Variants in PRH1 observed in about 807,000 individuals in gnomAD.
PRH1 encodes the protein proline rich protein HaeIII subfamily 1.
A neutral mutation model predicts 7.9 loss-of-function variants in PRH1; 7 were observed. The observed-to-expected ratio is 0.89, with a 90% CI of 0.50 to 1.67. The LOEUF (loss-of-function observed/expected upper bound fraction) is 1.67, where lower values mean the gene tolerates loss of function less well. PRH1 is among the 40% of genes most tolerant of loss of function. PRH1 has a pLI of 0.00. For synonymous variants in PRH1, 45 were observed against 80.8 expected, an observed-to-expected ratio of 0.56 and a Z score of 2.38; for missense variants, 109 against 223.6, an observed-to-expected ratio of 0.49 and a Z score of 3.27.
chr12:10,899,632 G>T (rs1467808216), intron 2 of PRH1, among the ~76,000 whole-genome samples: 1 of 152,120 alleles, frequency 6.6e-6, no homozygotes, highest in Non-Finnish European at 1.5e-5. Context: ...TCTCCACCAT[G>T]GTTTGACCCA....
intron 2 of PRH1, 94 bp from the exon 3 acceptor site, chr12:10,882,792 T>G: frequency 7.1e-6 from 11 of 1,557,484 alleles, no homozygotes; most frequent in African/African-American, 1.4e-5. Context: ...GGCCCCTCTC[T>G]GCCTGACCTG....
At chr12:11,001,393 ATG>A (rs1940590614) in intron 1 of PRH1, among the ~76,000 whole-genome samples, 1 of 152,132 alleles carries the variant, frequency 6.6e-6, no homozygotes, top group African/African-American at 2.4e-5. Context: ...GATATAGAAG[ATG>A]TGAGGGCTTA....
At chr12:10,884,385 C>T (rs1949458308), upstream of PRH1, 3 of 739,720 alleles carry the variant, frequency 4.1e-6, no homozygotes, top group Admixed American at 7.2e-5. Flanking sequence ...GTGTATCCCT[C>T]ATTTCTTTTG....
chr12:10,939,080 G>T (rs375585680), intron 2 of PRH1: 9 of 1,613,950 alleles, frequency 5.6e-6, no homozygotes, highest in African/African-American at 1.3e-5. Context: ...CCGATCAACC[G>T]AAGAGATCTT....
chr12:10,931,857 G>T (rs1422128549), intron 2 of PRH1, among the ~76,000 whole-genome samples: 2 of 151,698 alleles, frequency 1.3e-5, no homozygotes, highest in African/African-American at 4.8e-5. Flanking sequence ...CTATTGTTTG[G>T]TTTTTCCATA....
At chr12:11,002,923 T>C (rs975016148) in intron 1 of PRH1, among the ~76,000 whole-genome samples, 1 of 152,078 alleles carries the variant, frequency 6.6e-6, no homozygotes, top group African/African-American at 2.4e-5. Context: ...AATTGTCCTA[T>C]ACACTTAATA....
chr12:10,904,221 G>A (rs897229280), intron 2 of PRH1, among the ~76,000 whole-genome samples: 4 of 150,368 alleles, frequency 2.7e-5, no homozygotes, highest in African/African-American at 9.7e-5. Flanking sequence ...AATAGCAAAA[G>A]CAACCCTAAG....
At chr12:11,053,823 T>A (rs1303359090) in intron 1 of PRH1, among the ~76,000 whole-genome samples, 2 of 151,226 alleles carry the variant, frequency 1.3e-5, no homozygotes, top group Non-Finnish European at 3.0e-5. Flanking sequence ...TTACATTTTG[T>A]GTGTGTGTGT....
intron 1 of PRH1, chr12:11,092,058 A>G (rs1219151359): frequency 6.5e-7 from 1 of 1,539,394 alleles, no homozygotes; most frequent in Admixed American, 1.8e-5. Flanking sequence ...ACCCAGAGCA[A>G]ACCAACTCTG....
intron 2 of PRH1, chr12:10,937,574 G>A (rs1267207905): frequency 2.0e-5 from 3 of 152,016 alleles, no homozygotes; most frequent in Non-Finnish European, 2.9e-5. Context: ...CAGCAGTTAC[G>A]ATCAGGATTA....
intron 1 of PRH1, among the ~76,000 whole-genome samples, chr12:11,026,711 G>A (rs10845292): frequency 0.44 from 66,208 of 151,560 alleles, 15,223 homozygotes; most frequent in Non-Finnish European, 0.51. Context: ...TAGAATGAAT[G>A]CAGACTACCA....
chr12:10,900,609 T>G (rs866670720), intron 2 of PRH1, among the ~76,000 whole-genome samples: 1 of 152,168 alleles, frequency 6.6e-6, no homozygotes, highest in African/African-American at 2.4e-5. Flanking sequence ...GTTTATCCTA[T>G]GTGATGAGAC....
rs1479859183 is a variant in PRH1 at position 11,095,863 on chromosome 12, TTC to T, written n.124-48677_124-48676del. On this transcript the variant is annotated intron_variant and non_coding_transcript_variant, in intron 1 of 4. Coordinates refer to the PRH1 transcript ENST00000541977. ...TTATCTGAAAAGATATATTTTAAAT[TTC>T]TGTTTATCAAGATCTATTCTACTTT... Among the ~76,000 whole-genome samples, 10 of 115,634 alleles carry T rather than the reference TTC, an allele frequency of 8.6e-5. 2 individuals carry two copies. Among genetic ancestry groups the T allele is most frequent in the African/African-American group, 2.6e-4 (9 of 34,582 alleles). 75.9% of individuals were successfully genotyped at this position (115,634 alleles called of 152,430 possible).
chr12:10,906,551 T>TC (rs1469065177), intron 2 of PRH1, among the ~76,000 whole-genome samples: 1 of 152,170 alleles, frequency 6.6e-6, no homozygotes, highest in African/African-American at 2.4e-5. Context: ...CTCCCATAAT[T>TC]CCCATGTGTT....
At position 11,108,739 on chromosome 12, in the gene PRH1, G is replaced by A. The variant is rs570148759; in HGVS notation, n.124-61551C>T. Among the ~76,000 whole-genome samples, 17 of 152,288 alleles carry A rather than the reference G, an allele frequency of 1.1e-4. No individual in the cohort carries two copies. The South Asian group carries it at 3.3e-3, about 30-fold the overall frequency. On this transcript the variant is annotated intron_variant and non_coding_transcript_variant, in intron 1 of 4. Transcript: ENST00000541977. Reference sequence around the variant, plus strand: ...ATGGGTCTCAAGCATAAAACTGAGCGATCATTTGGGCAGACACCAAGCTAG... The same window carrying A: ...ATGGGTCTCAAGCATAAAACTGAGCAATCATTTGGGCAGACACCAAGCTAG...
At chr12:11,062,114 C>T (rs368655677) in intron 1 of PRH1, 7 of 1,613,616 alleles carry the variant, frequency 4.3e-6, no homozygotes, top group Non-Finnish European at 5.1e-6. Context: ...AATACTAATA[C>T]CCAGAGTAAA....
intron 1 of PRH1, chr12:11,166,246 T>C (rs935920575): frequency 3.3e-5 from 5 of 152,346 alleles, no homozygotes; most frequent in Non-Finnish European, 7.3e-5. Context: ...TCAGGTTAAC[T>C]GCCCCCTTCC....
At chr12:11,153,059 GTTAT>G (rs1947147450) in intron 1 of PRH1, among the ~76,000 whole-genome samples, 1 of 152,146 alleles carries the variant, frequency 6.6e-6, no homozygotes, top group African/African-American at 2.4e-5. Context: ...TGACACAACA[GTTAT>G]TTAAATTATT....
intron 1 of PRH1, among the ~76,000 whole-genome samples, chr12:11,140,987 C>T (rs192424502): frequency 8.2e-5 from 12 of 147,152 alleles, no homozygotes; most frequent in African/African-American, 2.7e-4. Context: ...GTCCTTAAAA[C>T]CTGGTTGCTA....
Sources: gnomAD v4.1 joint callset for allele counts (sites outside exome capture counted in the v4.1 genomes callset) on GRCh38, gnomAD v4.1.1 for gene constraint, MANE v1.5 for transcripts, NCBI Gene and HGNC (gene_info 2026-07-23, HGNC 2026-07-21) for gene names.